The following PDE5A variants were observed in gnomAD, a reference collection of about 807,000 sequenced individuals.
PDE5A encodes phosphodiesterase 5A, also known as cGMP-specific 3',5'-cyclic phosphodiesterase.
Under a neutral mutation model 110.2 loss-of-function variants are expected in PDE5A, and 67 were observed. The ratio of observed to expected loss-of-function variants is 0.61; its 90% CI spans 0.50 to 0.75. PDE5A has a LOEUF of 0.75. Among genes scored for constraint, PDE5A ranks in the 30% least tolerant of loss-of-function variants. PDE5A has a pLI of 0.00. For missense variants in PDE5A, 862 were observed against 1,045.1 expected (o/e 0.82, Z 2.42); for synonymous variants, 328 against 351.2 (o/e 0.93, Z 0.74).
intron 1 of PDE5A, among the ~76,000 whole-genome samples, chr4:119,624,307 T>TA (rs1325989429): frequency 1.3e-5 from 2 of 152,060 alleles, no homozygotes; most frequent in Non-Finnish European, 2.9e-5. Flanking sequence ...AACAATAATT[T>TA]AAAAAAATAC....
intron 11 of PDE5A, among the ~76,000 whole-genome samples, chr4:119,537,173 C>A (rs1339696335): frequency 6.6e-6 from 1 of 152,108 alleles, no homozygotes; most frequent in African/African-American, 2.4e-5. Context: ...TGCTTGTGAG[C>A]AATGCCAGCT....
At chr4:119,580,401 C>T (rs750615248) in intron 3 of PDE5A, among the ~76,000 whole-genome samples, 3 of 152,190 alleles carry the variant, frequency 2.0e-5, no homozygotes, top group Non-Finnish European at 4.4e-5. Context: ...CCTTTAAAAA[C>T]TGCCAGAGAC....
intron 9 of PDE5A, chr4:119,548,111 C>G (rs559414520): frequency 7.0e-6 from 1 of 142,326 alleles, no homozygotes; most frequent in Non-Finnish European, 1.5e-5. Context: ...TGCAGTGGCA[C>G]AATCTTGGCT....
chr4:119,609,213 G>A (rs988415767), intron 1 of PDE5A, among the ~76,000 whole-genome samples: 11 of 152,080 alleles, frequency 7.2e-5, no homozygotes, highest in African/African-American at 2.4e-4. Flanking sequence ...TTAAATGTAT[G>A]TATCCTTTGT....
At position 119,606,785 on chromosome 4, in the gene PDE5A, C is replaced by A; in HGVS notation, c.665G>T (p.Arg222Leu). 1.2e-6 allele frequency: 2 copies of A among 1,614,162 alleles called. No individual in the cohort carries two copies. Among genetic ancestry groups the A allele is most frequent in the South Asian group, 1.1e-5 (1 of 91,074 alleles). ...CACAATGCCTTTGTTCCATTCTAAG[C>A]GGATACAGTTATTTGAAACTTCTTC... Reference protein sequence around the residue: ...TLEEVSNNCIRLEWNKGIVGH... With the variant: ...TLEEVSNNCILLEWNKGIVGH... Residue 222 changes from arginine to leucine, a missense_variant, in exon 2 of 21, where the codon CGC becomes CTC. Physicochemically the swap from Arg to Leu is moderately radical, Grantham distance 102. Transcript: ENST00000354960.
At chr4:119,620,807 A>C (rs1218725110) in intron 1 of PDE5A, among the ~76,000 whole-genome samples, 1 of 152,222 alleles carries the variant, frequency 6.6e-6, no homozygotes, top group Non-Finnish European at 1.5e-5. Context: ...AAAATAAAAG[A>C]CGTAAATTTA....
intron 20 of PDE5A, chr4:119,500,820 A>G (rs533185175): frequency 1.8e-4 from 29 of 162,772 alleles, no homozygotes; most frequent in South Asian, 8.1e-4. Context: ...CAATGAGAAA[A>G]AGTTGGATTA....
At chr4:119,502,538 AAAAC>A (rs749512025) in intron 19 of PDE5A, 39 bp downstream of exon 19, 46 of 1,208,840 alleles carry the variant, frequency 3.8e-5, no homozygotes, top group Non-Finnish European at 5.5e-5. Flanking sequence ...AATTAAAAAA[AAAAC>A]AATTTGAATA....
In PDE5A at chr4:119,578,581, A is replaced by G. The variant is rs573184729; in HGVS notation, c.832-11437T>C. Among the ~76,000 whole-genome samples, 7 of 152,366 alleles carry G rather than the reference A, an allele frequency of 4.6e-5. No homozygotes were observed. The South Asian group carries it at 1.2e-3, about 27-fold the overall frequency. ...TTGACAAACCTGACAAAAACAAGCA[A>G]TGGGGAAATGATCCCCTATTTAATA... On this transcript the variant is annotated intron_variant, in intron 3 of 20. Coordinates refer to ENST00000354960, the MANE Select transcript of PDE5A (RefSeq NM_001083.4).
rs1199651934 is a variant in PDE5A, at chr4:119,560,215, TAAATC to T, written c.1199+76_1199+80del. The T allele has an allele frequency of 1.8e-5, 14 of 780,916 alleles. No individual in the cohort carries two copies. In the East Asian group the frequency reaches 3.8e-4, roughly 21 times the overall value. The allele number at this position is 780,916 out of a possible 1,614,324, so 48.4% of individuals were successfully genotyped here. A position where few individuals can be genotyped will look rare whatever the true frequency, so the allele number is the denominator to read the frequency against. On this transcript the variant is annotated intron_variant, in intron 7 of 20. Coordinates refer to ENST00000354960, the MANE Select transcript of PDE5A (RefSeq NM_001083.4). ...AAAATAATCTGTAGCTTATATTTCT[TAAATC>T]AAACTGGTCATGAAATAACTATTTA...
intron 3 of PDE5A, among the ~76,000 whole-genome samples, chr4:119,581,542 A>G (rs372360350): frequency 2.0e-5 from 3 of 152,202 alleles, no homozygotes; most frequent in Admixed American, 6.5e-5. Flanking sequence ...TCATCTCAAA[A>G]TATTTTCCCT....
intron 8 of PDE5A, 32 bp from the exon 9 acceptor site, chr4:119,552,669 A>C (rs756979824): frequency 1.7e-6 from 2 of 1,200,880 alleles, no homozygotes; most frequent in South Asian, 2.9e-5. Flanking sequence ...AAAACAGCTA[A>C]AATGGTAAAG....
chr4:119,625,005 T>C (rs1007248479), intron 1 of PDE5A, among the ~76,000 whole-genome samples: 1 of 151,820 alleles, frequency 6.6e-6, no homozygotes, highest in South Asian at 2.1e-4. Context: ...AAGCTCCAAG[T>C]TATAGCTTTT....
At position 119,549,511 on chromosome 4, in the gene PDE5A, T is replaced by C. The variant is rs1445876277; in HGVS notation, c.1396+3039A>G. On this transcript the variant is annotated intron_variant, in intron 9 of 20. Coordinates refer to ENST00000354960, the MANE Select transcript of PDE5A (RefSeq NM_001083.4). ...TGTAATTTTTATTTTTATGCTTTTA[T>C]TTATTAACAAGGAGATGAAAAAGTA... The C allele has an allele frequency of 2.0e-5, 3 of 152,214 alleles. No homozygotes were observed. The East Asian group carries it at 5.8e-4, about 29-fold the overall frequency. 9.4% of individuals were successfully genotyped at this position (152,214 alleles called of 1,614,324 possible).
At chr4:119,505,786 T>G in intron 17 of PDE5A, 69 bp downstream of exon 17, 2 of 871,718 alleles carry the variant, frequency 2.3e-6, no homozygotes, top group Non-Finnish European at 3.6e-6. Flanking sequence ...AAACTAACAG[T>G]GAGGAAAAAA....
chr4:119,524,960 A>G (rs1461547484), intron 12 of PDE5A, among the ~76,000 whole-genome samples: 2 of 152,106 alleles, frequency 1.3e-5, no homozygotes, highest in African/African-American at 4.8e-5. Flanking sequence ...ATCAGTTTTC[A>G]TCTTCACCCA....
At chr4:119,561,131 A>T (rs1257097307) in intron 6 of PDE5A, among the ~76,000 whole-genome samples, 1 of 152,212 alleles carries the variant, frequency 6.6e-6, no homozygotes, top group Non-Finnish European at 1.5e-5. Flanking sequence ...TCTGTCTCGA[A>T]AATAAGAAAG....
At chr4:119,536,716 T>C (rs1726737330) in intron 11 of PDE5A, among the ~76,000 whole-genome samples, 1 of 152,134 alleles carries the variant, frequency 6.6e-6, no homozygotes, top group South Asian at 2.1e-4. Flanking sequence ...ACTGAAAATG[T>C]TTACAAGTCC....
intron 1 of PDE5A, among the ~76,000 whole-genome samples, chr4:119,617,722 C>T (rs1472332356): frequency 1.3e-5 from 2 of 152,130 alleles, no homozygotes; most frequent in Non-Finnish European, 2.9e-5. Context: ...GTTTTGCACT[C>T]TGGCCTAAAA....
Sources: allele counts gnomAD v4.1 joint callset (sites outside exome capture counted in the v4.1 genomes callset), GRCh38; gene constraint gnomAD v4.1.1; transcripts MANE v1.5; gene names NCBI Gene and HGNC (gene_info 2026-07-23, HGNC 2026-07-21).